The following EEA1 variants were observed in gnomAD, a reference collection of about 807,000 sequenced individuals.
EEA1 encodes early endosome antigen 1, 162kD.
EEA1 carries 111 observed loss-of-function variants against 209.2 expected under a neutral mutation model. That is an observed-to-expected ratio of 0.53 (90% CI 0.45 to 0.62). The LOEUF (loss-of-function observed/expected upper bound fraction) is 0.62. Among genes scored for constraint, EEA1 ranks in the 20% least tolerant of loss-of-function variants. The pLI is 0.00. For missense variants in EEA1, 1,343 were observed against 1,530.8 expected (o/e 0.88, Z 2.05); for synonymous variants, 536 against 540.6 (o/e 0.99, Z 0.12).
intron 2 of EEA1, among the ~76,000 whole-genome samples, chr12:92,883,231 T>TC (rs1163447200): frequency 6.6e-6 from 1 of 152,204 alleles, no homozygotes; most frequent in Non-Finnish European, 1.5e-5. Flanking sequence ...TCTGTTCGTG[T>TC]CTTTTGACCA....
chr12:92,911,731 G>A (rs1262422031), intron 1 of EEA1, among the ~76,000 whole-genome samples: 7 of 152,190 alleles, frequency 4.6e-5, no homozygotes, highest in Admixed American at 1.3e-4. Context: ...TGCATGTGTA[G>A]GGGCAGGAAG....
At chr12:92,860,033 T>G (rs995951397) in intron 3 of EEA1, among the ~76,000 whole-genome samples, 2 of 152,226 alleles carry the variant, frequency 1.3e-5, no homozygotes, top group Non-Finnish European at 1.5e-5. Context: ...AATTGCCACC[T>G]CTTTAACAGC....
intron 22 of EEA1, among the ~76,000 whole-genome samples, chr12:92,786,628 C>T (rs1429240018): frequency 6.6e-6 from 1 of 152,068 alleles, no homozygotes; most frequent in Non-Finnish European, 1.5e-5. Context: ...CAGTTCTAAT[C>T]AACTCATACC....
chr12:92,900,819 C>T (rs1036059256), intron 1 of EEA1, among the ~76,000 whole-genome samples: 1 of 151,998 alleles, frequency 6.6e-6, no homozygotes, highest in African/African-American at 2.4e-5. Context: ...CAGGTGCCCG[C>T]CACCACGTCC....
chr12:92,781,122 C>CTGA (rs1196837682), intron 23 of EEA1, among the ~76,000 whole-genome samples: 1 of 152,050 alleles, frequency 6.6e-6, no homozygotes, highest in Non-Finnish European at 1.5e-5. Flanking sequence ...GTTGCCCAGG[C>CTGA]TGATCTTGAA....
intron 2 of EEA1, among the ~76,000 whole-genome samples, chr12:92,872,555 T>G (rs1878701965): frequency 6.6e-6 from 1 of 152,250 alleles, no homozygotes; most frequent in Non-Finnish European, 1.5e-5. Flanking sequence ...TAAAACCATC[T>G]TCAAACAGTA....
chr12:92,910,890 C>T (rs562055459), intron 1 of EEA1, among the ~76,000 whole-genome samples: 1 of 152,302 alleles, frequency 6.6e-6, no homozygotes, highest in Admixed American at 6.5e-5. Context: ...AAAAGTTGCT[C>T]CACAGCATAC....
At chr12:92,867,310 G>A (rs1391157209) in intron 2 of EEA1, among the ~76,000 whole-genome samples, 1 of 152,064 alleles carries the variant, frequency 6.6e-6, no homozygotes, top group African/African-American at 2.4e-5. Flanking sequence ...AGCTTGTCAA[G>A]TTCCTATACT....
chr12:92,891,459 C>G (rs1264228201), intron 2 of EEA1, among the ~76,000 whole-genome samples, 170 bp downstream of exon 2: 1 of 152,176 alleles, frequency 6.6e-6, no homozygotes, highest in African/African-American at 2.4e-5. Context: ...TTCTCAGTCT[C>G]ACAACTAGGC....
Position 92,770,816 on chromosome 12 carries a change from T to C in EEA1, c.*5195A>G, listed in dbSNP as rs190595425. ...AGAAAATCCCAAAGACTAAATTCCA[T>C]TACTTTAAGATAGGAAGAAAAAAAA... is the stretch of plus-strand genomic sequence containing the variant. On this transcript the variant is annotated 3_prime_UTR_variant, in exon 29 of 29. Coordinates refer to ENST00000322349, the MANE Select transcript of EEA1 (RefSeq NM_003566.4). 5.4e-5 allele frequency: 8 copies of C among 147,410 alleles called. No homozygotes were observed. In the East Asian group the frequency reaches 1.5e-3, roughly 28 times the overall value. The allele number at this position is 147,410 out of a possible 1,614,324, so 9.1% of individuals were successfully genotyped here.
rs1565812703 is a variant in EEA1 at position 92,799,036 on chromosome 12, T to C, written c.2823A>G (p.Ile941Met). 6.2e-7 allele frequency: 1 copy of C among 1,610,010 alleles called. No individual in the cohort carries two copies. Among genetic ancestry groups the C allele is most frequent in the Non-Finnish European group, 8.5e-7 (1 of 1,178,820 alleles). ...LELNSMQEQL[I>M]QAQNTLKQNE... is the part of the protein sequence containing the mutation. ...TTTGTTTTAAAGTATTCTGGGCCTG[T>C]ATAAGTTGTTCCTGCATTGAATTGA... The change falls in exon 21 of 29, where the codon ATA becomes ATG. Residue 941 changes from isoleucine (I) to methionine (M), a missense_variant. Coordinates refer to ENST00000322349, the MANE Select transcript of EEA1 (RefSeq NM_003566.4).
intron 5 of EEA1, among the ~76,000 whole-genome samples, chr12:92,856,840 C>T (rs572458019): frequency 1.1e-3 from 152 of 134,370 alleles, no homozygotes; most frequent in African/African-American, 4.1e-3. Flanking sequence ...GGTGAGATCA[C>T]AGCTCACCAC....
chr12:92,918,453 G>A (rs1232177957), intron 1 of EEA1, among the ~76,000 whole-genome samples: 8 of 115,380 alleles, frequency 6.9e-5, no homozygotes, highest in Admixed American at 1.8e-4. Context: ...ACTCAAAGCC[G>A]CTCAACTACA....
chr12:92,929,260 A>C lies in EEA1; in HGVS notation c.-194T>G. On this transcript the variant is annotated 5_prime_UTR_variant, in exon 1 of 29. Coordinates refer to ENST00000322349, the MANE Select transcript of EEA1 (RefSeq NM_003566.4). ...CGGCGAGAGGGAGCACGCGAGAGAG[A>C]GCGAGCGAACGACTAGGCAGCCTGC... 2 of 367,962 alleles carry C rather than the reference A, an allele frequency of 5.4e-6. No homozygotes were observed. Among genetic ancestry groups the C allele is most frequent in the East Asian group, 5.5e-5 (1 of 18,232 alleles). 22.8% of individuals were successfully genotyped at this position (367,962 alleles called of 1,614,324 possible).
At chr12:92,853,893 T>C (rs1479010918) in intron 6 of EEA1, 22 bp downstream of exon 6, 5 of 1,588,812 alleles carry the variant, frequency 3.1e-6, no homozygotes, top group Non-Finnish European at 4.3e-6. Context: ...ACTGACAAAA[T>C]ATCTGCTTTA....
At position 92,798,879 on chromosome 12, in the gene EEA1, A is replaced by G; in HGVS notation, c.2967+13T>C. 1 of 1,535,700 alleles carries G rather than the reference A, an allele frequency of 6.5e-7. No individual in the cohort carries two copies. Among genetic ancestry groups the G allele is most frequent in the East Asian group, 2.3e-5 (1 of 42,990 alleles). ...TTTTTCTTCCTATAAAAAGTAAACAAATATATCACTACCTTCTGTAAAACA... is the reference window on the plus strand; with the variant it reads ...TTTTTCTTCCTATAAAAAGTAAACAGATATATCACTACCTTCTGTAAAACA... On this transcript the variant is annotated intron_variant, in intron 21 of 28. Transcript: ENST00000322349.
In EEA1 at chr12:92,776,080, A is replaced by AT; in HGVS notation, c.4166dup (p.Asn1389LysfsTer15). 1 of 1,611,506 alleles carries AT rather than the reference A, an allele frequency of 6.2e-7. No homozygotes were observed. Among genetic ancestry groups the AT allele is most frequent in the Non-Finnish European group, 8.5e-7 (1 of 1,178,356 alleles). On this transcript the variant is annotated frameshift_variant, in exon 29 of 29. Coordinates refer to ENST00000322349, the MANE Select transcript of EEA1 (RefSeq NM_003566.4). LOFTEE classifies it high-confidence loss of function. ...GCTTCTTGGAGGAAGGAGTTAAGGC[A>AT]TTTTTGGCTGAACATTCAGCACAGA...
chr12:92,896,694 T>C (rs750820054), intron 1 of EEA1, among the ~76,000 whole-genome samples: 3 of 150,658 alleles, frequency 2.0e-5, no homozygotes, highest in Non-Finnish European at 4.4e-5. Context: ...TCCCAGCTAC[T>C]CAGGAGGGAG....
At chr12:92,787,394 A>T (rs1019641218) in intron 22 of EEA1, among the ~76,000 whole-genome samples, 2 of 152,112 alleles carry the variant, frequency 1.3e-5, no homozygotes, top group African/African-American at 4.8e-5. Flanking sequence ...ATTTCTATAC[A>T]TTGTTATATA....
Sources: gnomAD v4.1 joint callset for allele counts (sites outside exome capture counted in the v4.1 genomes callset) on GRCh38, gnomAD v4.1.1 for gene constraint, MANE v1.5 for transcripts, NCBI Gene and HGNC (gene_info 2026-07-23, HGNC 2026-07-21) for gene names.